PHIP: variants seen among roughly 807,000 people sequenced by gnomAD.
PHIP encodes PHIP subunit of CUL4-Ring ligase complex.
PHIP carries 54 observed loss-of-function variants against 236.8 expected under a neutral mutation model. The observed-to-expected ratio is 0.23, with a 90% CI of 0.18 to 0.29. The LOEUF (loss-of-function observed/expected upper bound fraction) is 0.29, where lower values mean the gene tolerates loss of function less well. Among genes scored for constraint, PHIP ranks in the 10% least tolerant of loss-of-function variants. The pLI, the probability that PHIP is intolerant of heterozygous loss-of-function variation, is 1.00. For synonymous variants in PHIP, 756 were observed against 718.9 expected, an observed-to-expected ratio of 1.05 and a Z score of -0.83; for missense variants, 1,370 against 2,190.8, an observed-to-expected ratio of 0.63 and a Z score of 7.48.
chr6:78,944,290 T>G (rs1050089915), intron 39 of PHIP, among the ~76,000 whole-genome samples: 1 of 152,190 alleles, frequency 6.6e-6, no homozygotes, highest in African/African-American at 2.4e-5. Flanking sequence ...TGTTTCCATA[T>G]ATGATTTGAA....
chr6:79,077,407 T>C, intron 4 of PHIP, 41 bp downstream of exon 4: 1 of 1,529,470 alleles, frequency 6.5e-7, no homozygotes, highest in Non-Finnish European at 9.0e-7. Flanking sequence ...TTTATTCGAC[T>C]CAGGGAAAAG....
intron 20 of PHIP, 33 bp downstream of exon 20, chr6:78,990,835 C>T: frequency 8.0e-7 from 1 of 1,242,240 alleles, no homozygotes; most frequent in Non-Finnish European, 1.2e-6. Flanking sequence ...ACTTAAGAAG[C>T]AAATATTAAA....
rs1770037999 is a variant in PHIP, at chr6:79,002,181, A to G, written c.1654-57T>C. 3 of 1,214,450 alleles carry G rather than the reference A, an allele frequency of 2.5e-6. No individual in the cohort carries two copies. In the African/African-American group the frequency reaches 4.6e-5, roughly 19 times the overall value. 75.2% of individuals were successfully genotyped at this position (1,214,450 alleles called of 1,614,324 possible). On this transcript the variant is annotated intron_variant, in intron 16 of 39. Coordinates refer to ENST00000275034, the MANE Select transcript of PHIP (RefSeq NM_017934.7). The stretch of plus-strand genomic sequence containing the variant: ...AAAATAAAAATGTATCATTGTAGAA[A>G]AAAAGTCTACATCATTTCTAATAGA...
At chr6:79,017,831 C>T (rs1185377893) in intron 10 of PHIP, among the ~76,000 whole-genome samples, 5 of 151,892 alleles carry the variant, frequency 3.3e-5, no homozygotes, top group Admixed American at 6.6e-5. Flanking sequence ...AATAATTTCA[C>T]TAAGTGAATA....
intron 23 of PHIP, among the ~76,000 whole-genome samples, chr6:78,981,615 A>C (rs75462615): frequency 6.6e-6 from 1 of 152,016 alleles, no homozygotes; most frequent in Admixed American, 6.6e-5. Flanking sequence ...AGGGGACCAG[A>C]TGAAGCAAAC....
Position 79,078,205 on chromosome 6 carries a change from G to T in PHIP, c.-137C>A, listed in dbSNP as rs1351784405. ...CGGCTCCACCATTCAAGCAACGGCGGCGGAGGCGGAGGAGGAGGAGGAGGA... is the reference window on the plus strand; with the variant it reads ...CGGCTCCACCATTCAAGCAACGGCGTCGGAGGCGGAGGAGGAGGAGGAGGA... On this transcript the variant is annotated 5_prime_UTR_variant, in exon 1 of 40. Transcript: ENST00000275034. The T allele has an allele frequency of 2.6e-6, 2 of 772,892 alleles. No homozygotes were observed. The highest frequency in any genetic ancestry group is 4.2e-6 in the Non-Finnish European group (2 of 476,132). The allele number at this position is 772,892 out of a possible 1,614,324, so 47.9% of individuals were successfully genotyped here.
At chr6:79,005,458 G>C (rs1185942748) in intron 15 of PHIP, among the ~76,000 whole-genome samples, 1 of 151,718 alleles carries the variant, frequency 6.6e-6, no homozygotes, top group African/African-American at 2.4e-5. Context: ...AAAGTTACAT[G>C]AACTGTTATA....
At chr6:78,988,488 T>C (rs911063582) in intron 20 of PHIP, 139 bp from the exon 21 acceptor site, 11 of 559,004 alleles carry the variant, frequency 2.0e-5, no homozygotes, top group African/African-American at 3.9e-5. Flanking sequence ...CTTGGGAAGA[T>C]TGCTTGAGCC....
At chr6:79,041,113 T>G (rs1772187372) in intron 7 of PHIP, among the ~76,000 whole-genome samples, 1 of 152,164 alleles carries the variant, frequency 6.6e-6, no homozygotes, top group South Asian at 2.1e-4. Context: ...GCAGGCCATA[T>G]GTTCTCAGTC....
chr6:79,003,913 G>C, intron 15 of PHIP, 55 bp from the exon 16 acceptor site: 1 of 1,200,224 alleles, frequency 8.3e-7, no homozygotes, highest in Non-Finnish European at 1.2e-6. Flanking sequence ...AAAAGAATTG[G>C]TCACTATTAT....
chr6:78,961,388 A>G (rs1346753273), intron 31 of PHIP, among the ~76,000 whole-genome samples: 1 of 152,130 alleles, frequency 6.6e-6, no homozygotes, highest in Non-Finnish European at 1.5e-5. Context: ...TATAAAATAC[A>G]ATATAAAGAC....
chr6:79,002,141 C>T lies in PHIP; in HGVS notation c.1654-17G>A, dbSNP rs1433217922. On this transcript the variant is annotated splice_polypyrimidine_tract_variant and intron_variant, in intron 16 of 39. Transcript: ENST00000275034. ...ATCTGCTATCTGCAAAAAGAAAAGT[C>T]CATAAAAGACTGGAAAAATAAAAAT... The T allele has an allele frequency of 1.3e-6, 2 of 1,530,826 alleles. No individual in the cohort carries two copies. The highest frequency in any genetic ancestry group is 1.2e-5 in the South Asian group (1 of 86,102). The allele number at this position is 1,530,826 out of a possible 1,614,324, so 94.8% of individuals were successfully genotyped here.
In PHIP at chr6:78,941,559, T is replaced by C. The variant is rs114882631; in HGVS notation, c.4829-229A>G. Among the ~76,000 whole-genome samples the C allele has an allele frequency of 5.9e-3, 899 of 152,240 alleles. 4 individuals are homozygous for C. Among genetic ancestry groups the C allele is most frequent in the African/African-American group, 0.02 (829 of 41,564 alleles). Reference sequence around the variant, plus strand: ...GATCTCATGAGGGAGGTAAAGCTCATAGAAAATAAGTGACTTATCTAAGTT... The same window carrying C: ...GATCTCATGAGGGAGGTAAAGCTCACAGAAAATAAGTGACTTATCTAAGTT... On this transcript the variant is annotated intron_variant, in intron 39 of 39. Transcript: ENST00000275034.
intron 19 of PHIP, among the ~76,000 whole-genome samples, chr6:78,991,502 T>C (rs969297573): frequency 2.6e-5 from 4 of 152,086 alleles, no homozygotes; most frequent in African/African-American, 9.7e-5. Context: ...AAGGTGAAAC[T>C]GAACAACACA....
rs767977389 is a variant in PHIP at position 78,970,818 on chromosome 6, T to C, written c.2960A>G (p.Asn987Ser). ...MARKNKIYSI[N>S]PKKQPWHKME... ...TTTATGCCATGGTTGTTTTTTGGGATTGATACTATATATTTTATTTTTCCG... is the reference window on the plus strand; with the variant it reads ...TTTATGCCATGGTTGTTTTTTGGGACTGATACTATATATTTTATTTTTCCG... Residue 987 changes from asparagine to serine, a missense_variant, in exon 25 of 40, where the codon AAT (asparagine) becomes AGT (serine). Asn to Ser is a conservative substitution (Grantham distance 46, BLOSUM62 1). Transcript: ENST00000275034. 1 of 1,611,596 alleles carries C rather than the reference T, an allele frequency of 6.2e-7. No individual in the cohort carries two copies. The highest frequency in any genetic ancestry group is 8.5e-7 in the Non-Finnish European group (1 of 1,178,844).
chr6:79,045,510 T>A (rs568348432), intron 6 of PHIP, among the ~76,000 whole-genome samples: 1 of 152,126 alleles, frequency 6.6e-6, no homozygotes, highest in Non-Finnish European at 1.5e-5. Context: ...AACTTGAGTA[T>A]AGAGCCTTTT....
chr6:79,018,441 A>C (rs577216920), intron 10 of PHIP, among the ~76,000 whole-genome samples: 125 of 152,118 alleles, frequency 8.2e-4, no homozygotes, highest in South Asian at 2.5e-3. Context: ...CGGAAAAAGT[A>C]AAACTGAAAA....
chr6:79,078,234 A>C lies in PHIP; in HGVS notation c.-166T>G. The C allele has an allele frequency of 1.6e-6, 1 of 631,916 alleles. No homozygotes were observed. The highest frequency in any genetic ancestry group is 2.7e-6 in the Non-Finnish European group (1 of 364,544). The allele number at this position is 631,916 out of a possible 1,614,324, so 39.1% of individuals were successfully genotyped here. On this transcript the variant is annotated 5_prime_UTR_variant, in exon 1 of 40. Transcript: ENST00000275034. ...AGGCGGAGGAGGAGGAGGAGGAAAC[A>C]ACAACTCTCAGGCAGCGACTACGGC...
chr6:79,064,203 A>G (rs1481260660), intron 4 of PHIP, among the ~76,000 whole-genome samples: 2 of 152,110 alleles, frequency 1.3e-5, no homozygotes, highest in East Asian at 1.9e-4. Flanking sequence ...ATCCTACACT[A>G]TAAATTAGAC....
Sources: allele counts gnomAD v4.1 joint callset (sites outside exome capture counted in the v4.1 genomes callset), GRCh38; gene constraint gnomAD v4.1.1; transcripts MANE v1.5; gene names NCBI Gene and HGNC (gene_info 2026-07-23, HGNC 2026-07-21).